SPATA3: variants seen among roughly 807,000 people sequenced by gnomAD.
SPATA3 encodes the protein spermatogenesis associated 3.
SPATA3 carries 6 observed loss-of-function variants against 5.7 expected under a neutral mutation model. That is an observed-to-expected ratio of 1.06 (90% CI 0.58 to 2.09). The LOEUF (loss-of-function observed/expected upper bound fraction) is 2.09, where lower values mean the gene tolerates loss of function less well. Ranked by LOEUF, SPATA3 falls within the 30% of genes most tolerant of loss-of-function variation. The pLI is 0.00. For missense variants in SPATA3, 155 were observed against 130.4 expected (o/e 1.19, Z -0.92); for synonymous variants, 44 against 48.4 (o/e 0.91, Z 0.37).
chr2:231,010,522 C>T (rs143719546), downstream of SPATA3, among the ~76,000 whole-genome samples: 49 of 152,274 alleles, frequency 3.2e-4, no homozygotes, highest in African/African-American at 1.1e-3. Flanking sequence ...GGGGAAAATT[C>T]AAGTAATACT....
downstream of SPATA3, among the ~76,000 whole-genome samples, chr2:231,011,268 C>T (rs999978615): frequency 6.6e-6 from 1 of 152,074 alleles, no homozygotes; most frequent in Non-Finnish European, 1.5e-5. Context: ...GCATACGCCA[C>T]CACATCTGGC....
chr2:231,015,153 T>C (rs529919276), intron 6 of SPATA3, among the ~76,000 whole-genome samples: 33 of 150,564 alleles, frequency 2.2e-4, no homozygotes, highest in Non-Finnish European at 3.7e-4. Context: ...CAGCAAACCC[T>C]ACAGAGTCCC....
At chr2:231,006,836 G>A (rs1169999269), downstream of SPATA3, 3 of 152,194 alleles carry the variant, frequency 2.0e-5, no homozygotes, top group African/African-American at 4.8e-5. Context: ...TCAGCTGAAG[G>A]TGAGGCCCTA....
rs547010435 is a variant in SPATA3 at position 231,019,804 on chromosome 2, C to T, written c.*650C>T. On this transcript the variant is annotated 3_prime_UTR_variant, in exon 7 of 9. Coordinates refer to the SPATA3 transcript ENST00000452881. ...AAGAACAAGCCATCTGATGCCTCTA[C>T]TATCATTACCTCTATTGGGACCCAG... The T allele has an allele frequency of 4.4e-4, 67 of 150,934 alleles. 3 individuals carry two copies. Among genetic ancestry groups the T allele is most frequent in the African/African-American group, 1.6e-3 (64 of 41,206 alleles). The allele number at this position is 150,934 out of a possible 1,614,324, so 9.3% of individuals were successfully genotyped here.
In SPATA3 at chr2:231,018,969, C is replaced by CTTTTTTT. The variant is rs10652495; in HGVS notation, c.*566-742_*566-736dup. On this transcript the variant is annotated intron_variant, in intron 6 of 8. Coordinates refer to the SPATA3 transcript ENST00000452881. Reference sequence around the variant, plus strand: ...CGTGCCTGGCCTGATTTTTCTTTTTCTTTTTTTTTTTTTTTGAGATGGAGT... The same window carrying CTTTTTTT: ...CGTGCCTGGCCTGATTTTTCTTTTTCTTTTTTTTTTTTTTTTTTTTTTGAGATGGAGT... Among the ~76,000 whole-genome samples the CTTTTTTT allele has an allele frequency of 5.5e-5, 7 of 126,312 alleles. 1 individual carries two copies. The highest frequency in any genetic ancestry group is 8.4e-5 in the Admixed American group (1 of 11,836). 82.9% of individuals were successfully genotyped at this position (126,312 alleles called of 152,430 possible).
At chr2:231,016,462 T>G (rs1331808922) in intron 6 of SPATA3, among the ~76,000 whole-genome samples, 1 of 132,358 alleles carries the variant, frequency 7.6e-6, no homozygotes, top group Non-Finnish European at 1.5e-5. Flanking sequence ...CCAAGGCAGG[T>G]GGATCGAGAT....
At chr2:231,000,437 C>A (rs376531158) in exon 2 of SPATA3, 481 of 1,548,708 alleles carry the variant, frequency 3.1e-4, no homozygotes, top group Middle Eastern at 1.7e-3. Flanking sequence ...TTGCTGGCGT[C>A]GTCTGGGGCT....
chr2:231,000,860 T>G (rs1172457537), intron 2 of SPATA3, among the ~76,000 whole-genome samples: 1 of 152,178 alleles, frequency 6.6e-6, no homozygotes, highest in Non-Finnish European at 1.5e-5. Context: ...CCCTCAGCCC[T>G]TCACAGAGTC....
chr2:231,018,116 G>A (rs1692977499), intron 6 of SPATA3, among the ~76,000 whole-genome samples: 1 of 151,902 alleles, frequency 6.6e-6, no homozygotes, highest in African/African-American at 2.4e-5. Context: ...GTAGAGATGG[G>A]GTTTCAACAT....
intron 2 of SPATA3, among the ~76,000 whole-genome samples, chr2:231,001,950 T>A (rs547731238): frequency 2.0e-5 from 3 of 152,208 alleles, no homozygotes; most frequent in Admixed American, 6.5e-5. Context: ...TCCAGAAGGA[T>A]CTTGAAGTCC....
chr2:231,019,472 T>G (rs531947537), intron 6 of SPATA3, among the ~76,000 whole-genome samples: 3 of 147,050 alleles, frequency 2.0e-5, no homozygotes, highest in Admixed American at 6.7e-5. Flanking sequence ...TACAGGCACC[T>G]GCCACCACGC....
intron 6 of SPATA3, among the ~76,000 whole-genome samples, chr2:231,018,460 AAAC>A (rs1692987447): frequency 1.3e-5 from 1 of 78,172 alleles, no homozygotes; most frequent in African/African-American, 5.2e-5. Flanking sequence ...TATGGTATAG[AAAC>A]TTCAGCCATT....
chr2:231,005,448 T>TCAC (rs1363254856), downstream of SPATA3, among the ~76,000 whole-genome samples: 10,758 of 25,542 alleles, frequency 0.42, 1,706 homozygotes, highest in Non-Finnish European at 0.44. Flanking sequence ...ATCACCACCA[T>TCAC]CACCACCACC....
At chr2:231,004,877 A>G (rs1486518663), downstream of SPATA3, among the ~76,000 whole-genome samples, 1 of 152,068 alleles carries the variant, frequency 6.6e-6, no homozygotes, top group Non-Finnish European at 1.5e-5. Flanking sequence ...CACTTAGCAC[A>G]GTTCCTGGCA....
chr2:231,001,347 G>A (rs967123267), intron 2 of SPATA3, among the ~76,000 whole-genome samples: 2 of 152,102 alleles, frequency 1.3e-5, no homozygotes, highest in African/African-American at 4.8e-5. Context: ...CAATGGAAGA[G>A]GCCCTTCCAC....
At chr2:231,014,123 G>C (rs1692866638) in exon 6 of SPATA3, 2 of 152,140 alleles carry the variant, frequency 1.3e-5, no homozygotes, top group South Asian at 4.1e-4. Flanking sequence ...AGGGGTTAAT[G>C]ATGCTAACTA....
At chr2:231,006,396 G>A (rs375207815), downstream of SPATA3, among the ~76,000 whole-genome samples, 97 of 151,838 alleles carry the variant, frequency 6.4e-4, no homozygotes, top group African/African-American at 2.1e-3. Context: ...CCAGCTACTC[G>A]GGAGGCTGAG....
In SPATA3 at chr2:230,996,520, A is replaced by G. The variant is rs369540569; in HGVS notation, c.791-3846A>G. 29 of 1,551,808 alleles carry G rather than the reference A, an allele frequency of 1.9e-5. No homozygotes were observed. In the East Asian group the frequency reaches 5.9e-4, roughly 31 times the overall value. ...GATGCTAACGTGAAGGCAGCCCCTC[A>G]ATCCAGGAAAGCAGGTGGGCTGTCT... On this transcript the variant is annotated intron_variant, in intron 1 of 2. Transcript: ENST00000645363.
downstream of SPATA3, among the ~76,000 whole-genome samples, chr2:231,007,489 T>C (rs1305168191): frequency 6.6e-6 from 1 of 152,170 alleles, no homozygotes; most frequent in Non-Finnish European, 1.5e-5. Context: ...TGCTTTAGAT[T>C]TTCTCACTCT....
Sources: gnomAD v4.1 joint callset for allele counts (sites outside exome capture counted in the v4.1 genomes callset) on GRCh38, gnomAD v4.1.1 for gene constraint, MANE v1.5 for transcripts, NCBI Gene and HGNC (gene_info 2026-07-23, HGNC 2026-07-21) for gene names.